CAMK4: variants seen among roughly 807,000 people sequenced by gnomAD.
CAMK4 encodes calcium/calmodulin dependent protein kinase IV, also known as calcium/calmodulin-dependent protein kinase type IV.
CAMK4 carries 22 observed loss-of-function variants against 44.9 expected under a neutral mutation model. The ratio of observed to expected loss-of-function variants is 0.49; its 90% CI spans 0.35 to 0.70. The LOEUF (loss-of-function observed/expected upper bound fraction) is 0.70, where lower values mean the gene tolerates loss of function less well. Among genes scored for constraint, CAMK4 ranks in the 30% least tolerant of loss-of-function variants. The probability of loss-of-function intolerance (pLI) is 0.01; values close to 1 mark genes in which losing one functional copy is unlikely to be tolerated. For missense variants in CAMK4, 498 were observed against 586.8 expected, an observed-to-expected ratio of 0.85 and a Z score of 1.56; for synonymous variants, 218 against 215.4, an observed-to-expected ratio of 1.01 and a Z score of -0.11.
intron 2 of CAMK4, among the ~76,000 whole-genome samples, chr5:111,362,355 A>T (rs1327487289): frequency 6.6e-6 from 1 of 152,056 alleles, no homozygotes; most frequent in Admixed American, 6.6e-5. Context: ...AGGGCTAGGC[A>T]TTGATGACAT....
chr5:111,328,443 G>C (rs539721254), intron 1 of CAMK4, among the ~76,000 whole-genome samples: 2 of 152,030 alleles, frequency 1.3e-5, no homozygotes, highest in East Asian at 3.9e-4. Flanking sequence ...GTCAGGTAGC[G>C]TGATGCCTCC....
intron 5 of CAMK4, among the ~76,000 whole-genome samples, chr5:111,418,455 T>TTA (rs1752893829): frequency 6.8e-6 from 1 of 146,414 alleles, no homozygotes; most frequent in Non-Finnish European, 1.5e-5. Context: ...ATTTTTTTTT[T>TTA]ATATACTTTA....
In CAMK4 at chr5:111,484,218, G is replaced by C. The variant is rs754962551; in HGVS notation, c.1174G>C (p.Ala392Pro). The C allele has an allele frequency of 3.1e-6, 5 of 1,614,122 alleles. No homozygotes were observed. Among genetic ancestry groups the C allele is most frequent in the Middle Eastern group, 1.6e-4 (1 of 6,062 alleles). Residue 392 changes from alanine to proline, a missense_variant, in exon 11 of 11, where the codon GCT becomes CCT. Ala to Pro is a conservative substitution (Grantham distance 27, BLOSUM62 -1). Coordinates refer to ENST00000282356, the MANE Select transcript of CAMK4 (RefSeq NM_001744.6). The surrounding 1 kb of genome is among the most constrained non-coding windows in gnomAD (Gnocchi z 5.3). Reference protein sequence around the residue: ...GAQAAVKGAQAELMKVQALEK... With the variant: ...GAQAAVKGAQPELMKVQALEK... ...CCAAGCCGCAGTTAAGGGGGCACAG[G>C]CTGAGCTGATGAAGGTGCAAGCCTT...
At chr5:111,294,377 C>G (rs1444789960) in intron 1 of CAMK4, among the ~76,000 whole-genome samples, 2 of 152,156 alleles carry the variant, frequency 1.3e-5, no homozygotes, top group Admixed American at 1.3e-4. Flanking sequence ...AATTACTTTG[C>G]ACATACACAT....
rs543258596 is a variant in CAMK4, at chr5:111,296,271, T to C, written c.162-47753T>C. On this transcript the variant is annotated intron_variant, in intron 1 of 10. Transcript: ENST00000282356. ...GTTAAGCTTCCGTTTAGGAAATATA[T>C]GGAAATATTTAAGCCTAAGGAAAAC... Among the ~76,000 whole-genome samples, 5 of 152,374 alleles carry C rather than the reference T, an allele frequency of 3.3e-5. No homozygotes were observed. In the East Asian group the frequency reaches 7.7e-4, roughly 24 times the overall value.
chr5:111,227,417 T>A (rs1748244742), intron 1 of CAMK4, among the ~76,000 whole-genome samples: 2 of 152,254 alleles, frequency 1.3e-5, no homozygotes, highest in African/African-American at 2.4e-5. Context: ...ACAGTGCTTC[T>A]GGTGTTACGT....
chr5:111,410,296 G>C (rs1222771705), intron 5 of CAMK4, among the ~76,000 whole-genome samples: 1 of 152,206 alleles, frequency 6.6e-6, no homozygotes, highest in Non-Finnish European at 1.5e-5. Flanking sequence ...CGACAGTCAA[G>C]AGGGCTTGTG....
At chr5:111,407,902 G>C (rs1752495592) in intron 5 of CAMK4, among the ~76,000 whole-genome samples, 1 of 152,144 alleles carries the variant, frequency 6.6e-6, no homozygotes, top group African/African-American at 2.4e-5. Context: ...GAGGTGGGCA[G>C]ATCACTTGAG....
chr5:111,243,929 T>TA (rs1260487849), intron 1 of CAMK4, among the ~76,000 whole-genome samples: 3 of 152,252 alleles, frequency 2.0e-5, no homozygotes, highest in African/African-American at 7.2e-5. Flanking sequence ...GATAGAACTT[T>TA]AAAATTCAAC....
Position 111,224,602 on chromosome 5 carries a change from A to G in CAMK4, c.119A>G (p.Asp40Gly). 1.2e-6 allele frequency: 2 copies of G among 1,611,850 alleles called. No homozygotes were observed. The highest frequency in any genetic ancestry group is 1.7e-6 in the Non-Finnish European group (2 of 1,179,574). The change falls in exon 1 of 11, where the codon GAT becomes GGT. Residue 40 changes from aspartate to glycine, a missense_variant. Asp to Gly is a moderately conservative substitution (Grantham distance 94). Coordinates refer to ENST00000282356, the MANE Select transcript of CAMK4 (RefSeq NM_001744.6). This position sits in a 1 kb window ranked among gnomAD's most constrained non-coding sequence, Gnocchi z 5.7. ...PDYWIDGSNR[D>G]ALSDFFEVES... ...TACTGGATCGACGGCTCCAACAGGG[A>G]TGCGCTGAGCGATTTCTTCGAGGTG...
At chr5:111,224,363 C>T (rs1285516761), upstream of CAMK4, 3 of 1,316,214 alleles carry the variant, frequency 2.3e-6, no homozygotes, top group Non-Finnish European at 2.9e-6. The surrounding 1 kb of genome is among the most constrained non-coding windows in gnomAD (Gnocchi z 5.7). Context: ...TGGGCGTGTG[C>T]GCGCGTGAAG....
intron 2 of CAMK4, among the ~76,000 whole-genome samples, chr5:111,358,974 C>A (rs1235798459): frequency 2.0e-5 from 3 of 152,020 alleles, no homozygotes; most frequent in African/African-American, 4.8e-5. Flanking sequence ...ATTCAGTTTA[C>A]CATTGATGGA....
chr5:111,254,856 G>A (rs936825295), intron 1 of CAMK4, among the ~76,000 whole-genome samples: 1 of 152,076 alleles, frequency 6.6e-6, no homozygotes, highest in South Asian at 2.1e-4. Context: ...TCAGGTTCTC[G>A]GGATTTCCCT....
At chr5:111,438,513 T>C (rs969941577) in intron 5 of CAMK4, among the ~76,000 whole-genome samples, 4 of 152,168 alleles carry the variant, frequency 2.6e-5, no homozygotes, top group African/African-American at 9.7e-5. Context: ...TGTAAAAAAT[T>C]ATCCAAGTAA....
chr5:111,437,574 T>C (rs55895816), intron 5 of CAMK4, among the ~76,000 whole-genome samples: 19,463 of 152,050 alleles, frequency 0.13, 1,369 homozygotes, highest in African/African-American at 0.14. Context: ...AATGAGAGGA[T>C]ATAAGAGCTG....
At chr5:111,382,779 A>G (rs1233350373) in intron 4 of CAMK4, among the ~76,000 whole-genome samples, 6 of 152,176 alleles carry the variant, frequency 3.9e-5, no homozygotes, top group Admixed American at 3.3e-4. Context: ...ATTCCAAAGT[A>G]TATAATTTTG....
At chr5:111,423,318 A>G (rs1009328923) in intron 5 of CAMK4, among the ~76,000 whole-genome samples, 1 of 152,242 alleles carries the variant, frequency 6.6e-6, no homozygotes, top group African/African-American at 2.4e-5. Context: ...AAAGAAATCT[A>G]ATTTTATAGA....
chr5:111,260,093 A>G (rs945106864), intron 1 of CAMK4, among the ~76,000 whole-genome samples: 11 of 152,138 alleles, frequency 7.2e-5, no homozygotes, highest in African/African-American at 2.7e-4. Context: ...GACAAAATAA[A>G]TGTTTCTCTT....
intron 2 of CAMK4, among the ~76,000 whole-genome samples, chr5:111,352,031 G>T (rs893920762): frequency 6.6e-6 from 1 of 151,916 alleles, no homozygotes; most frequent in East Asian, 1.9e-4. Context: ...TCATATAAGC[G>T]TGCTAATCCT....
Sources: gnomAD v4.1 joint callset for allele counts (sites outside exome capture counted in the v4.1 genomes callset) on GRCh38, gnomAD v4.1.1 for gene constraint, Gnocchi (gnomAD v3.1) non-coding constraint, MANE v1.5 for transcripts, NCBI Gene and HGNC (gene_info 2026-07-23, HGNC 2026-07-21) for gene names.